ZNF366: variants seen among roughly 807,000 people sequenced by gnomAD.
ZNF366 encodes zinc finger protein 366.
Under a neutral mutation model 47.2 loss-of-function variants are expected in ZNF366, and 20 were observed. The observed-to-expected ratio is 0.42, with a 90% CI of 0.30 to 0.62. ZNF366 has a LOEUF of 0.62. Among genes scored for constraint, ZNF366 ranks in the 20% least tolerant of loss-of-function variants. The pLI is 0.16. For synonymous variants in ZNF366, 421 were observed against 395.1 expected, an observed-to-expected ratio of 1.07 and a Z score of -0.78; for missense variants, 987 against 976.3, an observed-to-expected ratio of 1.01 and a Z score of -0.15.
rs529476504 is a variant in ZNF366, at chr5:72,503,600, C to T, written c.-15+3651G>A. 2.0e-5 allele frequency among the ~76,000 whole-genome samples: 3 copies of T among 152,120 alleles called. No individual in the cohort carries two copies. The South Asian group carries it at 6.2e-4, about 32-fold the overall frequency. The stretch of plus-strand genomic sequence containing the variant: ...TTATTTATCCCATTTTGTCATTTCA[C>T]AGATGAGAAAATTGAGATCCAAGCA... On this transcript the variant is annotated intron_variant, in intron 1 of 4. Transcript: ENST00000318442.
At chr5:72,472,517 T>C in intron 1 of ZNF366, 2 of 985,060 alleles carry the variant, frequency 2.0e-6, no homozygotes, top group Non-Finnish European at 2.4e-6. Flanking sequence ...AGGAAGAATT[T>C]GGGGACTTGC....
chr5:72,505,649 C>A (rs1744306174), intron 1 of ZNF366, among the ~76,000 whole-genome samples: 1 of 152,186 alleles, frequency 6.6e-6, no homozygotes, highest in Non-Finnish European at 1.5e-5. Context: ...TAGTTGAGCA[C>A]AAAATTCAAT....
intron 3 of ZNF366, among the ~76,000 whole-genome samples, chr5:72,452,182 T>G (rs1368136448): frequency 6.6e-6 from 1 of 152,206 alleles, no homozygotes; most frequent in Non-Finnish European, 1.5e-5. Flanking sequence ...ATGGCCTCCG[T>G]GAAACTGCCC....
chr5:72,479,645 A>G (rs1244623196), intron 1 of ZNF366, among the ~76,000 whole-genome samples: 1 of 152,204 alleles, frequency 6.6e-6, no homozygotes. Flanking sequence ...CTAATGATGA[A>G]TTTTTTAAAA....
At chr5:72,475,406 T>C (rs116770349) in intron 1 of ZNF366, among the ~76,000 whole-genome samples, 251 of 152,212 alleles carry the variant, frequency 1.6e-3, no homozygotes, top group African/African-American at 5.8e-3. Context: ...TCACTAAAGA[T>C]CATAGGACCA....
At chr5:72,464,024 C>A (rs1743385260) in intron 1 of ZNF366, among the ~76,000 whole-genome samples, 1 of 152,172 alleles carries the variant, frequency 6.6e-6, no homozygotes, top group Non-Finnish European at 1.5e-5. Context: ...GGAAAAGTCT[C>A]TTCCAGACTA....
intron 1 of ZNF366, among the ~76,000 whole-genome samples, chr5:72,496,140 T>C (rs1384363996): frequency 6.6e-6 from 1 of 152,164 alleles, no homozygotes; most frequent in African/African-American, 2.4e-5. Context: ...ATTTACATGA[T>C]ATACAATTCA....
At chr5:72,472,928 C>T (rs1480583469) in intron 1 of ZNF366, among the ~76,000 whole-genome samples, 2 of 152,174 alleles carry the variant, frequency 1.3e-5, no homozygotes, top group African/African-American at 2.4e-5. Context: ...AATCAGTCCC[C>T]CTTCCTCTCA....
intron 1 of ZNF366, among the ~76,000 whole-genome samples, chr5:72,506,703 A>G (rs2112362609): frequency 6.6e-6 from 1 of 152,220 alleles, no homozygotes; most frequent in African/African-American, 2.4e-5. Flanking sequence ...ATGCAGAACT[A>G]TTTCCAAGTG....
intron 1 of ZNF366, among the ~76,000 whole-genome samples, chr5:72,501,070 T>C (rs1475633236): frequency 6.6e-6 from 1 of 152,204 alleles, no homozygotes; most frequent in Non-Finnish European, 1.5e-5. Flanking sequence ...TTTCTTCAGC[T>C]CTAAGATGAG....
chr5:72,494,091 A>G (rs1003877436), intron 1 of ZNF366: 1 of 152,062 alleles, frequency 6.6e-6, no homozygotes, highest in African/African-American at 2.4e-5. Context: ...TATTTAATCA[A>G]TGAATGAGTT....
At chr5:72,466,732 G>T (rs115331886) in intron 1 of ZNF366, among the ~76,000 whole-genome samples, 2,917 of 152,316 alleles carry the variant, frequency 0.019, 43 homozygotes, top group Middle Eastern at 0.051. Context: ...TTAGACTGTG[G>T]ATGACTTTCG....
intron 1 of ZNF366, among the ~76,000 whole-genome samples, chr5:72,469,646 T>C (rs901649587): frequency 6.6e-6 from 1 of 152,194 alleles, no homozygotes; most frequent in Non-Finnish European, 1.5e-5. Flanking sequence ...AAGAATATTG[T>C]GGGGGCAGGG....
rs1270316655 is a variant in ZNF366, at chr5:72,461,255, C to T, written c.242G>A (p.Ser81Asn). ...FEGAGSRKRK[S>N]MPTKMPYNHP... ...GTTATAGGGCATCTTTGTGGGCATG[C>T]TCTTCCGTTTCCTAGACCCTGCTCC... is the stretch of plus-strand genomic sequence containing the variant. The change falls in exon 2 of 5, where the codon AGC becomes AAC. Residue 81 changes from serine to asparagine, a missense_variant. By Grantham distance (46) the Ser-to-Asn change is conservative (BLOSUM62 1). Transcript: ENST00000318442. The T allele has an allele frequency of 3.7e-6, 6 of 1,614,008 alleles. No individual in the cohort carries two copies. Among genetic ancestry groups the T allele is most frequent in the Non-Finnish European group, 4.2e-6 (5 of 1,180,036 alleles).
chr5:72,495,080 G>A (rs1016342825), intron 1 of ZNF366, among the ~76,000 whole-genome samples: 3 of 152,002 alleles, frequency 2.0e-5, no homozygotes, highest in South Asian at 4.2e-4. Flanking sequence ...TGGCTTGTGG[G>A]GAGCAGAATT....
intron 3 of ZNF366, 116 bp from the exon 4 acceptor site, chr5:72,447,533 T>C: frequency 4.0e-6 from 5 of 1,257,646 alleles, no homozygotes; most frequent in Non-Finnish European, 5.5e-6. Flanking sequence ...TTAATCTGCT[T>C]GCAAGGAAAA....
intron 4 of ZNF366, among the ~76,000 whole-genome samples, chr5:72,446,914 C>A (rs563171798): frequency 1.3e-5 from 2 of 152,154 alleles, no homozygotes. Context: ...TTCATTCCCC[C>A]GCTGTAAAAT....
chr5:72,446,218 GGT>G (rs1215152695), intron 4 of ZNF366, among the ~76,000 whole-genome samples: 8 of 152,182 alleles, frequency 5.3e-5, no homozygotes, highest in African/African-American at 1.9e-4. Context: ...TCTAGGCCTT[GGT>G]CTCCTCTTAT....
chr5:72,458,012 CTTTTT>C (rs1228705988), intron 2 of ZNF366, among the ~76,000 whole-genome samples: 8 of 97,042 alleles, frequency 8.2e-5, no homozygotes, highest in African/African-American at 3.2e-4. Flanking sequence ...TAGCATCTTT[CTTTTT>C]TTTTTTTTTT....
Sources: allele counts gnomAD v4.1 joint callset (sites outside exome capture counted in the v4.1 genomes callset), GRCh38; gene constraint gnomAD v4.1.1; transcripts MANE v1.5; gene names NCBI Gene and HGNC (gene_info 2026-07-23, HGNC 2026-07-21).